Variants in ROBO2 observed in about 807,000 individuals in gnomAD.
ROBO2 encodes the protein roundabout homolog 2.
A neutral mutation model predicts 160.8 loss-of-function variants in ROBO2; 53 were observed. The ratio of observed to expected loss-of-function variants is 0.33; its 90% CI spans 0.26 to 0.41. ROBO2 has a LOEUF of 0.41. Ranked by LOEUF, ROBO2 falls within the 10% of genes least tolerant of loss-of-function variation. The probability of loss-of-function intolerance (pLI) is 1.00; values close to 1 mark genes in which losing one functional copy is unlikely to be tolerated. For synonymous variants in ROBO2, 664 were observed against 611.7 expected, an observed-to-expected ratio of 1.09 and a Z score of -1.26; for missense variants, 1,577 against 1,722.4, an observed-to-expected ratio of 0.92 and a Z score of 1.49.
Position 75,988,436 on chromosome 3 carries a change from A to G in ROBO2, c.109+50834A>G, listed in dbSNP as rs142372375. On this transcript the variant is annotated intron_variant, in intron 2 of 26. Transcript: ENST00000487694. ...TCATTCTTTTTAAGTCAATCTAGCT[A>G]AAGGTTTTTCACATTGATTTTTTTT... is the stretch of plus-strand genomic sequence containing the variant. Among the ~76,000 whole-genome samples the G allele has an allele frequency of 1.6e-3, 243 of 152,166 alleles. 3 individuals are homozygous for G. Among genetic ancestry groups the G allele is most frequent in the African/African-American group, 5.4e-3 (224 of 41,550 alleles).
At chr3:77,232,506 G>T (rs1289062385) in intron 2 of ROBO2, among the ~76,000 whole-genome samples, 10 of 152,186 alleles carry the variant, frequency 6.6e-5, no homozygotes, top group Admixed American at 5.2e-4. Flanking sequence ...AAATGAAAAG[G>T]TGGAGACCAT....
intron 2 of ROBO2, among the ~76,000 whole-genome samples, chr3:77,105,448 T>G (rs960179012): frequency 6.6e-6 from 1 of 152,154 alleles, no homozygotes; most frequent in Non-Finnish European, 1.5e-5. Context: ...CTTACACAGC[T>G]GAAAAACGCT....
intron 2 of ROBO2, among the ~76,000 whole-genome samples, chr3:77,390,384 G>A (rs1324652983): frequency 3.9e-5 from 6 of 152,192 alleles, no homozygotes; most frequent in Admixed American, 2.0e-4. Flanking sequence ...CAATTCCCAC[G>A]TGTCATGGGA....
intron 2 of ROBO2, among the ~76,000 whole-genome samples, chr3:76,569,621 G>GTAACT (rs1430707294): frequency 8.5e-5 from 13 of 152,262 alleles, no homozygotes; most frequent in African/African-American, 3.1e-4. Context: ...ATGTACCTTT[G>GTAACT]TTAAGTTGTA....
At chr3:76,295,950 C>G (rs557956491) in intron 2 of ROBO2, among the ~76,000 whole-genome samples, 11 of 152,076 alleles carry the variant, frequency 7.2e-5, no homozygotes, top group Non-Finnish European at 1.3e-4. Context: ...TACACATAGT[C>G]AATAAGTTAT....
intron 2 of ROBO2, among the ~76,000 whole-genome samples, chr3:76,914,999 GT>G (rs1165804511): frequency 6.6e-6 from 1 of 152,162 alleles, no homozygotes; most frequent in Non-Finnish European, 1.5e-5. Flanking sequence ...GTCAATATAA[GT>G]TTTTCAGAGA....
intron 2 of ROBO2, among the ~76,000 whole-genome samples, chr3:76,872,399 T>C (rs2072200624): frequency 6.6e-6 from 1 of 152,118 alleles, no homozygotes; most frequent in Admixed American, 6.5e-5. Flanking sequence ...TCAAATTTTT[T>C]TTGTTGTTTC....
intron 2 of ROBO2, among the ~76,000 whole-genome samples, chr3:77,390,416 G>A (rs1466112524): frequency 6.6e-6 from 1 of 152,090 alleles, no homozygotes; most frequent in Admixed American, 6.6e-5. Context: ...GAAGGTAATT[G>A]AATCACGGGG....
chr3:76,310,921 G>T (rs2071550895), intron 2 of ROBO2, among the ~76,000 whole-genome samples: 1 of 152,136 alleles, frequency 6.6e-6, no homozygotes, highest in African/African-American at 2.4e-5. Flanking sequence ...CAGTACAACT[G>T]CTTCTCATCT....
chr3:76,404,869 T>C (rs763308338), intron 2 of ROBO2, among the ~76,000 whole-genome samples: 1 of 151,614 alleles, frequency 6.6e-6, no homozygotes, highest in Non-Finnish European at 1.5e-5. Flanking sequence ...ATATGGCGTA[T>C]GTGAAAATGA....
chr3:77,526,520 T>C (rs2153631132), intron 6 of ROBO2, among the ~76,000 whole-genome samples: 1 of 151,674 alleles, frequency 6.6e-6, no homozygotes, highest in South Asian at 2.1e-4. Context: ...ATCACATGTT[T>C]CACAATATTT....
intron 2 of ROBO2, among the ~76,000 whole-genome samples, chr3:76,980,053 A>T (rs781631729): frequency 3.9e-5 from 6 of 152,194 alleles, no homozygotes; most frequent in Non-Finnish European, 7.3e-5. Context: ...CACATCTGGT[A>T]CCATACTGCA....
intron 2 of ROBO2, among the ~76,000 whole-genome samples, chr3:76,085,336 C>T (rs1246800812): frequency 1.3e-5 from 2 of 152,020 alleles, no homozygotes; most frequent in African/African-American, 2.4e-5. Flanking sequence ...TGTGTTCTTT[C>T]GTTGACCTGA....
chr3:77,067,637 G>A (rs2066995379), intron 1 of ROBO2, among the ~76,000 whole-genome samples: 1 of 152,140 alleles, frequency 6.6e-6, no homozygotes, highest in African/African-American at 2.4e-5. Context: ...ACTCAGTGCT[G>A]AATTGAGTGT....
intron 2 of ROBO2, among the ~76,000 whole-genome samples, chr3:76,134,448 C>T (rs541659789): frequency 6.6e-6 from 1 of 152,184 alleles, no homozygotes; most frequent in East Asian, 1.9e-4. Flanking sequence ...TATGGCAAAA[C>T]GTAAGGGATT....
intron 2 of ROBO2, among the ~76,000 whole-genome samples, chr3:77,435,186 A>G (rs1269030487): frequency 1.3e-5 from 2 of 151,988 alleles, no homozygotes; most frequent in Non-Finnish European, 2.9e-5. Context: ...TAGATAACAT[A>G]AGGCTAATTT....
intron 2 of ROBO2, among the ~76,000 whole-genome samples, chr3:77,468,197 G>A (rs931011938): frequency 6.6e-6 from 1 of 152,176 alleles, no homozygotes; most frequent in Non-Finnish European, 1.5e-5. Context: ...TAATGGATAG[G>A]CTATGCAGAT....
intron 2 of ROBO2, among the ~76,000 whole-genome samples, chr3:76,382,442 T>C (rs576893636): frequency 6.6e-6 from 1 of 151,954 alleles, no homozygotes; most frequent in African/African-American, 2.4e-5. Flanking sequence ...CAAAATATTA[T>C]CCGGGCGCGG....
intron 2 of ROBO2, among the ~76,000 whole-genome samples, chr3:76,041,379 C>A (rs2067268320): frequency 1.3e-5 from 2 of 151,848 alleles, no homozygotes; most frequent in Admixed American, 1.3e-4. Flanking sequence ...TGTCGGAGAC[C>A]CTCAGACCTC....
Sources: allele counts gnomAD v4.1 joint callset (sites outside exome capture counted in the v4.1 genomes callset), GRCh38; gene constraint gnomAD v4.1.1; transcripts MANE v1.5; gene names NCBI Gene and HGNC (gene_info 2026-07-23, HGNC 2026-07-21).